The following TMPRSS11A variants were observed in gnomAD, a reference collection of about 807,000 sequenced individuals.
TMPRSS11A encodes transmembrane serine protease 11A.
Under a neutral mutation model 58.9 loss-of-function variants are expected in TMPRSS11A, and 53 were observed. That is an observed-to-expected ratio of 0.90 (90% CI 0.72 to 1.13). TMPRSS11A has a LOEUF of 1.13. Among genes scored for constraint, TMPRSS11A ranks in the 50% most tolerant of loss-of-function variants. The probability of loss-of-function intolerance (pLI) is 0.00; values close to 1 mark genes in which losing one functional copy is unlikely to be tolerated. For synonymous variants in TMPRSS11A, 167 were observed against 169.8 expected, an observed-to-expected ratio of 0.98 and a Z score of 0.13; for missense variants, 493 against 499.3, an observed-to-expected ratio of 0.99 and a Z score of 0.12.
At chr4:67,944,351 C>G (rs1296404024) in intron 3 of TMPRSS11A, among the ~76,000 whole-genome samples, 168 bp downstream of exon 3, 1 of 152,046 alleles carries the variant, frequency 6.6e-6, no homozygotes, top group Non-Finnish European at 1.5e-5. Context: ...CCCCACCTAC[C>G]CATCTCATCA....
intron 1 of TMPRSS11A, among the ~76,000 whole-genome samples, chr4:67,962,379 TG>T (rs1465960228): frequency 6.6e-6 from 1 of 152,234 alleles, no homozygotes; most frequent in African/African-American, 2.4e-5. Context: ...ATTCACTGGA[TG>T]GAATCCTTGC....
intron 7 of TMPRSS11A, among the ~76,000 whole-genome samples, chr4:67,919,615 A>C (rs537331229): frequency 6.6e-6 from 1 of 152,352 alleles, no homozygotes; most frequent in South Asian, 2.1e-4. Flanking sequence ...GAGAAGGAAA[A>C]GGATCAAAGC....
chr4:67,961,502 T>C (rs1284081438), intron 1 of TMPRSS11A, among the ~76,000 whole-genome samples: 1,176 of 13,104 alleles, frequency 0.09, 78 homozygotes, highest in Non-Finnish European at 0.16. Context: ...TTTTTTTTTT[T>C]TTTTTTTTTT....
At position 67,959,516 on chromosome 4, in the gene TMPRSS11A, C is replaced by A. The variant is rs117671550; in HGVS notation, c.11+3867G>T. On this transcript the variant is annotated intron_variant, in intron 1 of 9. Coordinates refer to ENST00000508048, the MANE Select transcript of TMPRSS11A (RefSeq NM_001114387.2). ...AAATCAACAAACAAAAAACAAATAACCCCATTAAAAGTGGGCAAAAGATAT... is the reference window on the plus strand; with the variant it reads ...AAATCAACAAACAAAAAACAAATAAACCCATTAAAAGTGGGCAAAAGATAT... 3.6e-4 allele frequency among the ~76,000 whole-genome samples: 55 copies of A among 152,234 alleles called. No individual in the cohort carries two copies. The East Asian group carries it at 9.4e-3, about 26-fold the overall frequency.
chr4:67,948,600 G>A (rs1251472007), intron 1 of TMPRSS11A, among the ~76,000 whole-genome samples: 1 of 152,310 alleles, frequency 6.6e-6, no homozygotes, highest in East Asian at 1.9e-4. Flanking sequence ...GAATTCTATT[G>A]AGTAAATATT....
chr4:67,941,282 A>G (rs1720874196), intron 3 of TMPRSS11A, among the ~76,000 whole-genome samples: 1 of 152,102 alleles, frequency 6.6e-6, no homozygotes, highest in African/African-American at 2.4e-5. Flanking sequence ...AGCAACAACA[A>G]ACAGGTGTGG....
At chr4:67,952,664 A>G (rs12643884) in intron 1 of TMPRSS11A, among the ~76,000 whole-genome samples, 27,921 of 152,148 alleles carry the variant, frequency 0.18, 3,016 homozygotes, top group East Asian at 0.45. Flanking sequence ...ATCAGTGACC[A>G]TATTTGAGGT....
chr4:67,920,547 ATAT>A (rs1194214024), intron 7 of TMPRSS11A, among the ~76,000 whole-genome samples: 33 of 80,102 alleles, frequency 4.1e-4, no homozygotes, highest in African/African-American at 1.3e-3. Flanking sequence ...ATATATATAT[ATAT>A]TTTTTTTTAT....
At chr4:67,913,531 A>G (rs962921854) in intron 9 of TMPRSS11A, among the ~76,000 whole-genome samples, 5 of 152,156 alleles carry the variant, frequency 3.3e-5, no homozygotes, top group African/African-American at 9.7e-5. Flanking sequence ...AAGCATCTCT[A>G]TGACCACCAA....
At chr4:67,920,448 T>C (rs1720288718) in intron 7 of TMPRSS11A, among the ~76,000 whole-genome samples, 1 of 150,362 alleles carries the variant, frequency 6.7e-6, no homozygotes, top group African/African-American at 2.4e-5. Context: ...AGGAAGACAC[T>C]GACAAAGTCT....
intron 5 of TMPRSS11A, among the ~76,000 whole-genome samples, chr4:67,928,941 C>T (rs942042736): frequency 1.6e-4 from 25 of 152,126 alleles, no homozygotes; most frequent in African/African-American, 6.0e-4. Flanking sequence ...AACAGCTTAG[C>T]GGACGAGGGT....
intron 3 of TMPRSS11A, among the ~76,000 whole-genome samples, chr4:67,935,707 A>G (rs1720735864): frequency 6.6e-6 from 1 of 152,122 alleles, no homozygotes; most frequent in Non-Finnish European, 1.5e-5. Context: ...GTGAGAATTT[A>G]TTTATCAGAA....
chr4:67,924,291 A>T (rs1720409068), intron 5 of TMPRSS11A, 125 bp from the exon 6 acceptor site: 6 of 811,228 alleles, frequency 7.4e-6, no homozygotes, highest in Non-Finnish European at 1.2e-5. Context: ...TAGATTAATT[A>T]GGAGAATGGC....
At chr4:67,959,838 T>A (rs1357149423) in intron 1 of TMPRSS11A, among the ~76,000 whole-genome samples, 1 of 152,122 alleles carries the variant, frequency 6.6e-6, no homozygotes, top group Non-Finnish European at 1.5e-5. Flanking sequence ...CAAAGAAAAA[T>A]AAATCATTAT....
At chr4:67,955,781 G>A (rs946111704) in intron 1 of TMPRSS11A, among the ~76,000 whole-genome samples, 1 of 152,110 alleles carries the variant, frequency 6.6e-6, no homozygotes, top group Non-Finnish European at 1.5e-5. Context: ...CTACCCTCAT[G>A]CAATTCATGG....
At chr4:67,930,809 T>A in intron 4 of TMPRSS11A, among the ~76,000 whole-genome samples, 1 of 21,180 alleles carries the variant, frequency 4.7e-5, no homozygotes, top group Non-Finnish European at 9.3e-5. Flanking sequence ...TTATCTCTCC[T>A]TTTTTTTTTT....
chr4:67,940,383 C>T (rs111987310), intron 3 of TMPRSS11A, among the ~76,000 whole-genome samples: 1,651 of 151,734 alleles, frequency 0.011, 28 homozygotes, highest in African/African-American at 0.038. Context: ...TTCCTTTTGG[C>T]TGGTAAGTTT....
intron 3 of TMPRSS11A, among the ~76,000 whole-genome samples, chr4:67,939,696 T>A (rs2109756454): frequency 1.3e-5 from 2 of 152,262 alleles, no homozygotes; most frequent in South Asian, 4.1e-4. Context: ...TCTTAAATTT[T>A]TAATTTTTTT....
chr4:67,945,333 A>G (rs529122559), intron 2 of TMPRSS11A, among the ~76,000 whole-genome samples: 1 of 152,290 alleles, frequency 6.6e-6, no homozygotes, highest in South Asian at 2.1e-4. Context: ...GAAAAATACA[A>G]AACAACCTCA....
Sources: gnomAD v4.1 joint callset for allele counts (sites outside exome capture counted in the v4.1 genomes callset) on GRCh38, gnomAD v4.1.1 for gene constraint, MANE v1.5 for transcripts, NCBI Gene and HGNC (gene_info 2026-07-23, HGNC 2026-07-21) for gene names.